Variants in GARIN1A observed in about 807,000 individuals in gnomAD.
The protein encoded by GARIN1A is golgi associated RAB2 interactor 1A, also known as Golgi-associated RAB2 interactor protein 1A.
At chr7:128,682,981 T>C in the GARIN1A span, 1 of 1,603,802 alleles carries the variant, frequency 6.2e-7, no homozygotes, top group Non-Finnish European at 8.5e-7. Context: ...GACACTGCCA[T>C]TGAAATAGAC....
chr7:128,693,833 G>T, the GARIN1A span: 5 of 158,586 alleles, frequency 3.2e-5, no homozygotes, highest in South Asian at 7.9e-4. Flanking sequence ...GTCACATGCC[G>T]CATGGAGGAC....
chr7:128,694,107 A>C, the GARIN1A span, among the ~76,000 whole-genome samples: 1 of 152,214 alleles, frequency 6.6e-6, no homozygotes, highest in Admixed American at 6.5e-5. Context: ...TTTTCAAGGA[A>C]ATTTTCTTAG....
chr7:128,708,566 T>A, the GARIN1A span, among the ~76,000 whole-genome samples: 1 of 146,748 alleles, frequency 6.8e-6, no homozygotes, highest in Non-Finnish European at 1.5e-5. Flanking sequence ...TTTTCTTGAA[T>A]TGTTTTCCTG....
chr7:128,682,663 C>T, the GARIN1A span, among the ~76,000 whole-genome samples: 3 of 152,104 alleles, frequency 2.0e-5, no homozygotes, highest in Non-Finnish European at 4.4e-5. Flanking sequence ...CTGCAAGCTC[C>T]GCCTCCTGGG....
At chr7:128,691,256 C>T in the GARIN1A span, 2 of 152,046 alleles carry the variant, frequency 1.3e-5, no homozygotes, top group Non-Finnish European at 2.9e-5. Context: ...TCCCTTGGTT[C>T]CTGCATGTTC....
the GARIN1A span, chr7:128,675,530 C>A: frequency 5.3e-6 from 4 of 749,368 alleles, no homozygotes; most frequent in African/African-American, 5.2e-5. Flanking sequence ...TTTGGGGAGG[C>A]CAATGAAAAG....
chr7:128,701,756 A>G, the GARIN1A span, among the ~76,000 whole-genome samples: 1 of 152,064 alleles, frequency 6.6e-6, no homozygotes, highest in Non-Finnish European at 1.5e-5. Flanking sequence ...AAGAACGAGG[A>G]AATTAAAGTT....
At chr7:128,671,934 A>G in the GARIN1A span, among the ~76,000 whole-genome samples, 1 of 152,152 alleles carries the variant, frequency 6.6e-6, no homozygotes, top group African/African-American at 2.4e-5. Context: ...GGGCAGGTGA[A>G]CAAGTCCCAT....
At chr7:128,674,556 C>T in the GARIN1A span, among the ~76,000 whole-genome samples, 5 of 152,214 alleles carry the variant, frequency 3.3e-5, no homozygotes, top group Non-Finnish European at 7.3e-5. Context: ...CAGCATTACC[C>T]ACAAACATTT....
the GARIN1A span, among the ~76,000 whole-genome samples, chr7:128,676,182 T>C: frequency 6.6e-6 from 1 of 151,952 alleles, no homozygotes; most frequent in Non-Finnish European, 1.5e-5. Context: ...ATTTTTTTTT[T>C]TGGATTTTTA....
chr7:128,683,905 G>A, the GARIN1A span: 1 of 154,210 alleles, frequency 6.5e-6, no homozygotes, highest in Non-Finnish European at 1.4e-5. Context: ...CCTGTCCTAC[G>A]AGTCTGGAGC....
chr7:128,704,766 T>C, the GARIN1A span, among the ~76,000 whole-genome samples: 6 of 152,190 alleles, frequency 3.9e-5, no homozygotes, highest in African/African-American at 1.4e-4. Flanking sequence ...AGATGAAGCT[T>C]CACTCACTGC....
chr7:128,688,374 A>G, the GARIN1A span, among the ~76,000 whole-genome samples: 2 of 152,226 alleles, frequency 1.3e-5, no homozygotes, highest in African/African-American at 4.8e-5. Flanking sequence ...TATAAACGCC[A>G]CAAGCATACC....
At chr7:128,672,595 AC>A in the GARIN1A span, 1 of 1,262,430 alleles carries the variant, frequency 7.9e-7, no homozygotes. Flanking sequence ...TGTTTCCAAA[AC>A]CTGTTCCTAG....
At chr7:128,684,039 ACCT>A in the GARIN1A span, 16,888 of 152,128 alleles carry the variant, frequency 0.11, 1,048 homozygotes, top group East Asian at 0.17. Context: ...CCCACCAGGC[ACCT>A]CCTCCAACAC....
At chr7:128,703,943 A>G in the GARIN1A span, among the ~76,000 whole-genome samples, 1 of 152,292 alleles carries the variant, frequency 6.6e-6, no homozygotes, top group East Asian at 1.9e-4. Context: ...TGCATTTGTT[A>G]AAAGGTATGC....
At chr7:128,686,443 C>T in the GARIN1A span, 1 of 152,180 alleles carries the variant, frequency 6.6e-6, no homozygotes, top group Non-Finnish European at 1.5e-5. Flanking sequence ...TAAGGTCACA[C>T]AGGTAGTAAG....
the GARIN1A span, among the ~76,000 whole-genome samples, chr7:128,678,684 A>T: frequency 2.0e-5 from 3 of 151,886 alleles, no homozygotes; most frequent in African/African-American, 7.3e-5. Flanking sequence ...GGCCCCTATA[A>T]TACTACTCAG....
the GARIN1A span, chr7:128,685,292 C>T: frequency 6.6e-6 from 1 of 152,258 alleles, no homozygotes; most frequent in Non-Finnish European, 1.5e-5. Flanking sequence ...TTGGAGAGAA[C>T]AAGACAGACG....
Sources: gnomAD v4.1 joint callset for allele counts (sites outside exome capture counted in the v4.1 genomes callset) on GRCh38, gnomAD v4.1.1 for gene constraint, MANE v1.5 for transcripts, NCBI Gene and HGNC (gene_info 2026-07-23, HGNC 2026-07-21) for gene names.